CAST: variants seen among roughly 807,000 people sequenced by gnomAD.
CAST encodes MIR583 host.
Under a neutral mutation model 119.6 loss-of-function variants are expected in CAST, and 76 were observed. The observed-to-expected ratio is 0.64, with a 90% CI of 0.53 to 0.77. The LOEUF is 0.77. Among genes scored for constraint, CAST ranks in the 30% least tolerant of loss-of-function variants. CAST has a pLI of 0.00. For synonymous variants in CAST, 319 were observed against 331.6 expected, an observed-to-expected ratio of 0.96 and a Z score of 0.41; for missense variants, 953 against 946.5, an observed-to-expected ratio of 1.01 and a Z score of -0.09.
At chr5:95,973,891 G>A in the CAST span, among the ~76,000 whole-genome samples, 1 of 151,952 alleles carries the variant, frequency 6.6e-6, no homozygotes, top group South Asian at 2.1e-4. Flanking sequence ...GACTCAGAAG[G>A]GTTGTAGCTA....
the CAST span, among the ~76,000 whole-genome samples, chr5:96,046,527 G>T: frequency 6.6e-6 from 1 of 152,088 alleles, no homozygotes; most frequent in Non-Finnish European, 1.5e-5. Flanking sequence ...CTCCATGGAG[G>T]AAAGACATGC....
At chr5:95,962,414 C>T in the CAST span, among the ~76,000 whole-genome samples, 1 of 152,230 alleles carries the variant, frequency 6.6e-6, no homozygotes, top group South Asian at 2.1e-4. Context: ...CTCCTCAAAA[C>T]TCCTAGTACT....
At chr5:96,118,817 C>CTT in the CAST span, among the ~76,000 whole-genome samples, 3 of 144,546 alleles carry the variant, frequency 2.1e-5, no homozygotes, top group Admixed American at 6.9e-5. Context: ...TTTCAGCATA[C>CTT]TTTTTTTTTT....
intron 1 of CAST, among the ~76,000 whole-genome samples, chr5:96,577,262 T>C (rs1399707887): frequency 1.3e-5 from 2 of 152,210 alleles, no homozygotes; most frequent in East Asian, 3.8e-4. Context: ...GATCTAACTT[T>C]ACTTTCTGCC....
At chr5:95,971,296 G>T in the CAST span, among the ~76,000 whole-genome samples, 1 of 151,962 alleles carries the variant, frequency 6.6e-6, no homozygotes, top group African/African-American at 2.4e-5. Flanking sequence ...TAAGCATATA[G>T]GCTTGCACAG....
the CAST span, among the ~76,000 whole-genome samples, chr5:96,287,517 G>A: frequency 6.6e-6 from 1 of 152,208 alleles, no homozygotes; most frequent in African/African-American, 2.4e-5. Flanking sequence ...AAAGAAAATG[G>A]TTGGGAAAAA....
the CAST span, among the ~76,000 whole-genome samples, chr5:96,075,758 G>A: frequency 1.3e-5 from 2 of 152,196 alleles, no homozygotes; most frequent in African/African-American, 4.8e-5. Context: ...CTGCCAGATT[G>A]CTTTATTCCC....
intron 1 of CAST, among the ~76,000 whole-genome samples, chr5:96,612,548 C>G (rs1747383274): frequency 6.6e-6 from 1 of 152,148 alleles, no homozygotes; most frequent in Non-Finnish European, 1.5e-5. Context: ...ATCCACGTAA[C>G]AAACCTGCAT....
the CAST span, among the ~76,000 whole-genome samples, chr5:96,316,507 T>C: frequency 6.6e-6 from 1 of 152,130 alleles, no homozygotes; most frequent in African/African-American, 2.4e-5. Context: ...GCAGAGAATG[T>C]TACCATGGGA....
the CAST span, among the ~76,000 whole-genome samples, chr5:96,394,148 CCTATT>C: frequency 6.6e-6 from 1 of 152,200 alleles, no homozygotes; most frequent in African/African-American, 2.4e-5. Flanking sequence ...CAGAGCTGGA[CCTATT>C]CAGAGCAGGG....
chr5:96,674,559 T>C (rs1043111614), intron 1 of CAST, among the ~76,000 whole-genome samples: 1 of 152,182 alleles, frequency 6.6e-6, no homozygotes, highest in Middle Eastern at 3.2e-3. Context: ...TTCAGGAACA[T>C]ACAACTATTT....
intron 1 of CAST, among the ~76,000 whole-genome samples, chr5:96,596,845 G>C (rs1377127304): frequency 6.6e-6 from 1 of 152,160 alleles, no homozygotes; most frequent in Admixed American, 6.5e-5. Context: ...TTTCTAATGA[G>C]GGCTCTCTGA....
At chr5:96,115,517 TA>T in the CAST span, among the ~76,000 whole-genome samples, 2 of 152,224 alleles carry the variant, frequency 1.3e-5, no homozygotes, top group Non-Finnish European at 2.9e-5. Context: ...CACAGATAAG[TA>T]ACTTGTCCAA....
At chr5:96,059,622 A>G in the CAST span, among the ~76,000 whole-genome samples, 8 of 151,262 alleles carry the variant, frequency 5.3e-5, no homozygotes, top group African/African-American at 2.0e-4. Context: ...TGGTATGTGA[A>G]GGCCAGTAAT....
chr5:96,307,352 C>T, the CAST span, among the ~76,000 whole-genome samples: 1 of 152,134 alleles, frequency 6.6e-6, no homozygotes, highest in Admixed American at 6.5e-5. Context: ...TGTCTTTGCA[C>T]ATGAGATGGG....
chr5:96,654,059 C>T (rs1453638961), intron 1 of CAST, among the ~76,000 whole-genome samples: 1 of 137,088 alleles, frequency 7.3e-6, no homozygotes, highest in Non-Finnish European at 1.5e-5. Context: ...GAGTCTCACT[C>T]TGTTGCCCAG....
At chr5:96,257,597 C>G in the CAST span, among the ~76,000 whole-genome samples, 2 of 152,190 alleles carry the variant, frequency 1.3e-5, no homozygotes, top group African/African-American at 4.8e-5. Flanking sequence ...GATAGTAAAT[C>G]CAGGGAAGAC....
At chr5:96,222,871 T>A in the CAST span, among the ~76,000 whole-genome samples, 1 of 152,076 alleles carries the variant, frequency 6.6e-6, no homozygotes, top group Admixed American at 6.6e-5. Flanking sequence ...TAAGTGTCCA[T>A]CAGTGGACTA....
At chr5:96,703,215 T>TACAAGTGGCCCGAG (rs201086513) in intron 3 of CAST, among the ~76,000 whole-genome samples, 156 of 150,870 alleles carry the variant, frequency 1.0e-3, no homozygotes, top group Non-Finnish European at 1.7e-3. Context: ...TGTGGCCCGG[T>TACAAGTGGCCCGAG]ACAAGTGGCC....
Sources: allele counts gnomAD v4.1 joint callset (sites outside exome capture counted in the v4.1 genomes callset), GRCh38; gene constraint gnomAD v4.1.1; transcripts MANE v1.5; gene names NCBI Gene and HGNC (gene_info 2026-07-23, HGNC 2026-07-21).